ANKRD17: variants seen among roughly 807,000 people sequenced by gnomAD.
ANKRD17 encodes the protein ankyrin repeat domain 17.
In ANKRD17, 19 loss-of-function variants were observed where a neutral mutation model predicts 229.7. That is an observed-to-expected ratio of 0.08 (90% CI 0.06 to 0.12). The LOEUF (loss-of-function observed/expected upper bound fraction) is 0.12, where lower values mean the gene tolerates loss of function less well. Among genes scored for constraint, ANKRD17 ranks in the 10% least tolerant of loss-of-function variants. The probability of loss-of-function intolerance (pLI) is 1.00; values close to 1 mark genes in which losing one functional copy is unlikely to be tolerated. For missense variants in ANKRD17, 2,176 were observed against 3,176.8 expected (o/e 0.68, Z 7.57); for synonymous variants, 1,112 against 1,146.1 (o/e 0.97, Z 0.60).
intron 1 of ANKRD17, among the ~76,000 whole-genome samples, chr4:73,197,627 T>G (rs959308443): frequency 6.6e-6 from 1 of 152,128 alleles, no homozygotes; most frequent in African/African-American, 2.4e-5. Context: ...GGCCAGAAGT[T>G]TGAGACTAGC....
intron 1 of ANKRD17, among the ~76,000 whole-genome samples, chr4:73,185,150 C>T (rs1158214549): frequency 6.6e-6 from 1 of 151,596 alleles, no homozygotes; most frequent in South Asian, 2.1e-4. Context: ...CAACACTAAC[C>T]CCATCCCCCA....
intron 1 of ANKRD17, among the ~76,000 whole-genome samples, chr4:73,214,209 G>A (rs891832023): frequency 6.6e-6 from 1 of 152,138 alleles, no homozygotes; most frequent in Non-Finnish European, 1.5e-5. Context: ...TGTAGTTAAA[G>A]GATAGAGTGA....
rs143868014 is a variant in ANKRD17 at position 73,078,827 on chromosome 4, G to A, written c.7223C>T (p.Pro2408Leu). The A allele has an allele frequency of 1.4e-5, 22 of 1,613,966 alleles. No individual in the cohort carries two copies. The highest frequency in any genetic ancestry group is 5.3e-5 in the African/African-American group (4 of 74,902). The change falls in exon 31 of 34, where the codon CCG (proline) becomes CTG (leucine). Residue 2408 changes from proline (P) to leucine (L), a missense_variant. By Grantham distance (98) the Pro-to-Leu change is moderately conservative. Transcript: ENST00000358602. ...ATTGCTGGGCTTTTCTGACCCTAAC[G>A]GTACTGATGATGGGGCAGGAGATGG... is the stretch of plus-strand genomic sequence containing the variant. Reference protein sequence around the residue: ...RAPSPAPSSVPLGSEKPSNVS... With the variant: ...RAPSPAPSSVLLGSEKPSNVS...
In ANKRD17 at chr4:73,147,352, C is replaced by G; in HGVS notation, c.1648G>C (p.Ala550Pro). 1 of 1,609,846 alleles carries G rather than the reference C, an allele frequency of 6.2e-7. No homozygotes were observed. Among genetic ancestry groups the G allele is most frequent in the Non-Finnish European group, 8.5e-7 (1 of 1,177,526 alleles). The change falls in exon 9 of 34, where the codon GCA (alanine) becomes CCA (proline). Residue 550 changes from alanine (A) to proline (P), a missense_variant. Ala to Pro is a conservative substitution (Grantham distance 27, BLOSUM62 -1). Around this residue, in one of 18 missense-constraint regions of ANKRD17, gnomAD observed 275 missense variants for 386.9 expected, o/e 0.71. Coordinates refer to ENST00000358602, the MANE Select transcript of ANKRD17 (RefSeq NM_032217.5). ...GCTCCTGCCTTAATTAGAAAGTCTGCCACTTCCAGAAAGCCTCCACAGCAA... is the reference window on the plus strand; with the variant it reads ...GCTCCTGCCTTAATTAGAAAGTCTGGCACTTCCAGAAAGCCTCCACAGCAA... The part of the protein sequence containing the change: ...LACCGGFLEV[A>P]DFLIKAGADI...
intron 15 of ANKRD17, among the ~76,000 whole-genome samples, chr4:73,137,586 G>C (rs1206941977): frequency 1.3e-5 from 2 of 152,156 alleles, no homozygotes; most frequent in Non-Finnish European, 2.9e-5. Flanking sequence ...GCAAAAGTCA[G>C]TGCATGAGTA....
intron 1 of ANKRD17, among the ~76,000 whole-genome samples, chr4:73,252,422 C>T (rs1745108723): frequency 6.6e-6 from 1 of 152,200 alleles, no homozygotes; most frequent in Non-Finnish European, 1.5e-5. Flanking sequence ...AGTTTCCAAA[C>T]TCTTAATAAT....
chr4:73,078,437 C>G (rs1398519981), intron 31 of ANKRD17, among the ~76,000 whole-genome samples: 3 of 151,824 alleles, frequency 2.0e-5, no homozygotes, highest in Admixed American at 2.0e-4. Context: ...ACTTGGGAGG[C>G]TGTGGCAGGA....
chr4:73,170,538 G>A (rs1451908651), intron 2 of ANKRD17, among the ~76,000 whole-genome samples: 1 of 151,728 alleles, frequency 6.6e-6, no homozygotes. Context: ...TTGGGGTCGG[G>A]GGGCGGGGGG....
intron 1 of ANKRD17, among the ~76,000 whole-genome samples, chr4:73,221,982 C>T (rs1427525196): frequency 2.0e-5 from 3 of 152,074 alleles, no homozygotes; most frequent in Non-Finnish European, 4.4e-5. Flanking sequence ...CGCCTAGCTT[C>T]CCTTTGCAGC....
chr4:73,077,139 G>A (rs774153411), intron 32 of ANKRD17, 35 bp from the exon 33 acceptor site: 46 of 1,520,326 alleles, frequency 3.0e-5, no homozygotes, highest in Non-Finnish European at 3.7e-5. Flanking sequence ...TAACATCCAA[G>A]TCATTGTTCA....
In ANKRD17 at chr4:73,135,280, A is replaced by G; in HGVS notation, c.3086-15T>C. On this transcript the variant is annotated splice_polypyrimidine_tract_variant and intron_variant, in intron 15 of 33. Coordinates refer to ENST00000358602, the MANE Select transcript of ANKRD17 (RefSeq NM_032217.5). Reference sequence around the variant, plus strand: ...TCCACTGACTGCTGTTGAACAAAATAACTGCACTTAATAAGGATGAAACAT... The same window carrying G: ...TCCACTGACTGCTGTTGAACAAAATGACTGCACTTAATAAGGATGAAACAT... 1 of 1,602,752 alleles carries G rather than the reference A, an allele frequency of 6.2e-7. No homozygotes were observed. Among genetic ancestry groups the G allele is most frequent in the Non-Finnish European group, 8.5e-7 (1 of 1,173,520 alleles).
At chr4:73,158,094 GGAAA>G (rs1372000282) in intron 3 of ANKRD17, among the ~76,000 whole-genome samples, 1 of 135,240 alleles carries the variant, frequency 7.4e-6, no homozygotes, top group Non-Finnish European at 1.6e-5. Flanking sequence ...CCATCTTGAA[GGAAA>G]GAAAGGAAGG....
At chr4:73,085,759 G>T (rs1722057798) in intron 29 of ANKRD17, among the ~76,000 whole-genome samples, 1 of 151,416 alleles carries the variant, frequency 6.6e-6, no homozygotes, top group African/African-American at 2.4e-5. Flanking sequence ...TCACTTTGGG[G>T]GGCCAAAGTG....
At chr4:73,125,373 A>G (rs1390050096) in intron 16 of ANKRD17, 61 bp from the exon 17 acceptor site, 1 of 1,126,528 alleles carries the variant, frequency 8.9e-7, no homozygotes, top group South Asian at 1.4e-5. Context: ...TATCAAATAC[A>G]TAATATGCAA....
chr4:73,097,285 G>C lies in ANKRD17; in HGVS notation c.5022-13C>G. 1 of 1,565,860 alleles carries C rather than the reference G, an allele frequency of 6.4e-7. No homozygotes were observed. Among genetic ancestry groups the C allele is most frequent in the Non-Finnish European group, 8.6e-7 (1 of 1,160,510 alleles). On this transcript the variant is annotated splice_polypyrimidine_tract_variant and intron_variant, in intron 26 of 33. Coordinates refer to ENST00000358602, the MANE Select transcript of ANKRD17 (RefSeq NM_032217.5). ...AGTTTCTGACAATCTTTAACAAAGA[G>C]AGGGAAAGTACATTAAATATGGAAC...
chr4:73,093,983 G>A, intron 28 of ANKRD17, 96 bp downstream of exon 28: 1 of 1,193,948 alleles, frequency 8.4e-7, no homozygotes, highest in Non-Finnish European at 1.2e-6. Context: ...AGTATACTAT[G>A]TAACACAAAG....
chr4:73,137,488 T>A (rs1029608823), intron 15 of ANKRD17, among the ~76,000 whole-genome samples: 4 of 152,152 alleles, frequency 2.6e-5, no homozygotes, highest in Admixed American at 2.0e-4. Context: ...GAGGCTGTAA[T>A]ATACTTTAAA....
intron 30 of ANKRD17, among the ~76,000 whole-genome samples, chr4:73,082,134 A>G (rs1413439775): frequency 1.4e-5 from 2 of 143,864 alleles, no homozygotes; most frequent in South Asian, 2.3e-4. Flanking sequence ...TGGGCAACAG[A>G]GAGATACATT....
chr4:73,244,254 AAATATT>A (rs1371415624), intron 1 of ANKRD17, among the ~76,000 whole-genome samples: 4 of 152,248 alleles, frequency 2.6e-5, no homozygotes, highest in Non-Finnish European at 5.9e-5. Flanking sequence ...TAGGGCTTCA[AAATATT>A]AATATTAATG....
Sources: gnomAD v4.1 joint callset for allele counts (sites outside exome capture counted in the v4.1 genomes callset) on GRCh38, gnomAD v4.1.1 for gene constraint, gnomAD v4.1.1 regional missense constraint, MANE v1.5 for transcripts, NCBI Gene and HGNC (gene_info 2026-07-23, HGNC 2026-07-21) for gene names.